The following CD33 variants were observed in gnomAD, a reference collection of about 807,000 sequenced individuals.
The protein encoded by CD33 is myeloid cell surface antigen CD33.
In CD33, 25 loss-of-function variants were observed where a neutral mutation model predicts 31.4. The observed-to-expected ratio is 0.80, with a 90% CI of 0.58 to 1.11. CD33 has a LOEUF of 1.11. Among genes scored for constraint, CD33 ranks in the 50% most tolerant of loss-of-function variants. The pLI, the probability that CD33 is intolerant of heterozygous loss-of-function variation, is 0.00. For synonymous variants in CD33, 176 were observed against 180.6 expected (o/e 0.97, Z 0.20); for missense variants, 407 against 448.1 (o/e 0.91, Z 0.83).
the CD33 span, among the ~76,000 whole-genome samples, chr19:51,213,787 C>G: frequency 6.6e-6 from 1 of 151,700 alleles, no homozygotes; most frequent in East Asian, 1.9e-4. Flanking sequence ...CTGCCTGCCT[C>G]GGCCTCCCAA....
the CD33 span, chr19:51,211,161 G>A: frequency 6.3e-7 from 1 of 1,596,976 alleles, no homozygotes; most frequent in African/African-American, 1.3e-5. Context: ...TGGCTGCGGG[G>A]AGAGGGGTTG....
rs3959248 is a variant in CD33, at chr19:51,225,124, G to A, written c.6G>A (p.Pro2=). Residue 2 remains proline (P), a synonymous_variant, in exon 1 of 7, where the codon CCG becomes CCA. Transcript: ENST00000262262. M[P]LLLLLPLLWA... is the part of the protein sequence containing the mutation. Reference sequence around the variant, plus strand: ...TGGAAGCTGCTTCCTCAGACATGCCGCTGCTGCTACTGCTGCCCCTGCTGT... The same window carrying A: ...TGGAAGCTGCTTCCTCAGACATGCCACTGCTGCTACTGCTGCCCCTGCTGT... The A allele has an allele frequency of 1.4e-4, 224 of 1,613,872 alleles. No homozygotes were observed. Among genetic ancestry groups the A allele is most frequent in the African/African-American group, 9.3e-4 (70 of 75,036 alleles).
At position 51,239,702 on chromosome 19, in the gene CD33, G is replaced by C; in HGVS notation, c.*14G>C. 1 of 1,599,408 alleles carries C rather than the reference G, an allele frequency of 6.3e-7. No individual in the cohort carries two copies. Among genetic ancestry groups the C allele is most frequent in the Non-Finnish European group, 8.5e-7 (1 of 1,173,264 alleles). On this transcript the variant is annotated 3_prime_UTR_variant, in exon 7 of 7. Transcript: ENST00000262262. ...AGGACCCAGTGAGGAACCCACAAGA[G>C]CATCAGGCTCAGCTAGAAGATCCAC...
intron 5 of CD33, 94 bp downstream of exon 5, chr19:51,235,347 G>A: frequency 7.6e-7 from 1 of 1,320,312 alleles, no homozygotes. Context: ...GCTGGAGAAA[G>A]GGCAGGGGGT....
Position 51,225,956 on chromosome 19 carries a change from C to G in CD33, c.572C>G (p.Thr191Ser). 1 of 1,614,138 alleles carries G rather than the reference C, an allele frequency of 6.2e-7. No individual in the cohort carries two copies. The highest frequency in any genetic ancestry group is 8.5e-7 in the Non-Finnish European group (1 of 1,180,018). Residue 191 changes from threonine (T) to serine (S), a missense_variant, in exon 3 of 7, where the codon ACT (threonine) becomes AGT (serine). Coordinates refer to ENST00000262262, the MANE Select transcript of CD33 (RefSeq NM_001772.4). ...GCCCCCACCTCCCTGGGCCCCAGGACTACTCACTCCTCGGTGCTCATAATC... is the reference window on the plus strand; with the variant it reads ...GCCCCCACCTCCCTGGGCCCCAGGAGTACTCACTCCTCGGTGCTCATAATC... ...SAAPTSLGPR[T>S]THSSVLIITP... is the part of the protein sequence containing the mutation.
At chr19:51,236,973 A>C (rs1238961195) in intron 6 of CD33, 1 of 152,234 alleles carries the variant, frequency 6.6e-6, no homozygotes, top group Admixed American at 6.5e-5. Flanking sequence ...GCATTCCAAC[A>C]ACTTGGTCTG....
the CD33 span, among the ~76,000 whole-genome samples, chr19:51,217,322 G>C: frequency 3.9e-5 from 6 of 152,094 alleles, no homozygotes; most frequent in Non-Finnish European, 7.4e-5. Context: ...GAAGGGAAGA[G>C]CATGGATAAA....
chr19:51,232,698 C>T (rs768697305), intron 4 of CD33, among the ~76,000 whole-genome samples: 17 of 152,160 alleles, frequency 1.1e-4, no homozygotes, highest in Non-Finnish European at 1.9e-4. Context: ...CTCTCGATTG[C>T]GGTTTTTTAT....
chr19:51,213,164 G>A, the CD33 span, among the ~76,000 whole-genome samples: 30 of 152,252 alleles, frequency 2.0e-4, no homozygotes, highest in South Asian at 6.2e-4. Context: ...GCTTGTTTTC[G>A]TCAACCCAGT....
intron 4 of CD33, among the ~76,000 whole-genome samples, chr19:51,229,287 G>A (rs946545987): frequency 1.3e-5 from 2 of 152,064 alleles, no homozygotes; most frequent in South Asian, 4.1e-4. Flanking sequence ...TGTTGGATTT[G>A]ATTTGCTACT....
the CD33 span, among the ~76,000 whole-genome samples, chr19:51,215,789 A>G: frequency 2.0e-5 from 3 of 151,632 alleles, no homozygotes; most frequent in Non-Finnish European, 4.4e-5. Context: ...CTTTCTCCCA[A>G]CCAGGGCTCA....
the CD33 span, chr19:51,211,311 A>G: frequency 7.6e-5 from 118 of 1,562,914 alleles, 1 homozygote; most frequent in African/African-American, 1.1e-3. Context: ...CCCATCCCAT[A>G]CCCTACTACA....
At chr19:51,213,510 T>C in the CD33 span, among the ~76,000 whole-genome samples, 3 of 152,144 alleles carry the variant, frequency 2.0e-5, no homozygotes, top group African/African-American at 7.2e-5. Flanking sequence ...TTTTCTTTTG[T>C]TTTGTTTTTT....
the CD33 span, among the ~76,000 whole-genome samples, chr19:51,215,931 C>T: frequency 6.6e-6 from 1 of 152,194 alleles, no homozygotes; most frequent in Admixed American, 6.5e-5. Context: ...TTCTAGCTGC[C>T]TCCTCGTCCA....
upstream of CD33, among the ~76,000 whole-genome samples, chr19:51,220,772 C>T (rs1261469353): frequency 1.3e-5 from 2 of 152,146 alleles, no homozygotes; most frequent in Non-Finnish European, 2.9e-5. Flanking sequence ...CATCTGCCCT[C>T]CAGACCTTGC....
upstream of CD33, among the ~76,000 whole-genome samples, chr19:51,221,831 C>T (rs113294902): frequency 5.1e-4 from 77 of 152,304 alleles, no homozygotes; most frequent in African/African-American, 1.7e-3. Flanking sequence ...TTAAAGGGAA[C>T]AAACTATAGA....
At chr19:51,236,614 A>C (rs572587423) in intron 6 of CD33, 1 of 152,314 alleles carries the variant, frequency 6.6e-6, no homozygotes, top group African/African-American at 2.4e-5. Context: ...CAGATGTCAA[A>C]ACATCAGAAA....
intron 4 of CD33, among the ~76,000 whole-genome samples, chr19:51,228,047 T>C (rs1456804762): frequency 6.6e-6 from 1 of 152,152 alleles, no homozygotes; most frequent in Non-Finnish European, 1.5e-5. Context: ...TTAATTTCGG[T>C]GTTCTCTATT....
At chr19:51,211,502 G>C in the CD33 span, 3 of 1,547,998 alleles carry the variant, frequency 1.9e-6, no homozygotes, top group Non-Finnish European at 2.6e-6. Flanking sequence ...GCCAGGAGGA[G>C]GGATAATCGT....
Sources: allele counts gnomAD v4.1 joint callset (sites outside exome capture counted in the v4.1 genomes callset), GRCh38; gene constraint gnomAD v4.1.1; transcripts MANE v1.5; gene names NCBI Gene and HGNC (gene_info 2026-07-23, HGNC 2026-07-21).